The following MTUS2 variants were observed in gnomAD, a reference collection of about 807,000 sequenced individuals.
The protein encoded by MTUS2 is microtubule associated scaffold protein 2.
In MTUS2, 40 loss-of-function variants were observed where a neutral mutation model predicts 114.1. The observed-to-expected ratio is 0.35, with a 90% CI of 0.27 to 0.46. The LOEUF is 0.46. Ranked by LOEUF, MTUS2 falls within the 20% of genes least tolerant of loss-of-function variation. The pLI is 1.00. For synonymous variants in MTUS2, 688 were observed against 672.0 expected (o/e 1.02, Z -0.37); for missense variants, 1,679 against 1,705.4 (o/e 0.98, Z 0.27).
chr13:29,107,113 G>A (rs1453165407), intron 5 of MTUS2, among the ~76,000 whole-genome samples: 1 of 151,886 alleles, frequency 6.6e-6, no homozygotes, highest in African/African-American at 2.4e-5. Flanking sequence ...ATCACTTTTA[G>A]GTACATTTCA....
At chr13:29,146,620 T>C (rs989243898) in intron 5 of MTUS2, among the ~76,000 whole-genome samples, 6 of 152,212 alleles carry the variant, frequency 3.9e-5, no homozygotes, top group Non-Finnish European at 7.3e-5. Context: ...AGGAGAAAAC[T>C]ATTTACTTGA....
chr13:28,962,571 GAAAAC>G (rs1033262595), intron 2 of MTUS2, among the ~76,000 whole-genome samples: 13 of 152,258 alleles, frequency 8.5e-5, no homozygotes, highest in African/African-American at 2.9e-4. Flanking sequence ...TTCTTTAAAA[GAAAAC>G]AGAAAAGCCA....
intron 2 of MTUS2, among the ~76,000 whole-genome samples, chr13:28,924,050 T>TA (rs1462852678): frequency 6.6e-6 from 1 of 152,100 alleles, no homozygotes; most frequent in Non-Finnish European, 1.5e-5. Context: ...GTGTGGCTCA[T>TA]ATGTATTGTC....
intron 6 of MTUS2, chr13:29,307,649 A>G: frequency 8.8e-7 from 1 of 1,142,490 alleles, no homozygotes; most frequent in South Asian, 1.2e-5. Context: ...AGCGACACCC[A>G]CTCTTCCACC....
chr13:29,262,025 C>A (rs1047268092), intron 5 of MTUS2, among the ~76,000 whole-genome samples: 2 of 152,286 alleles, frequency 1.3e-5, no homozygotes, highest in East Asian at 1.9e-4. Flanking sequence ...TGTGACTGGG[C>A]AAATATTAAA....
At chr13:29,004,881 A>G (rs1455545932) in intron 2 of MTUS2, among the ~76,000 whole-genome samples, 2 of 152,234 alleles carry the variant, frequency 1.3e-5, no homozygotes, top group East Asian at 3.8e-4. Flanking sequence ...TACAAGGTAG[A>G]AAGTGATGAG....
At chr13:29,473,206 A>G (rs1426731483) in intron 9 of MTUS2, among the ~76,000 whole-genome samples, 16 of 152,134 alleles carry the variant, frequency 1.1e-4, no homozygotes, top group Admixed American at 1.0e-3. Flanking sequence ...TTTTATAGCT[A>G]TTATAAAGCA....
rs1174914717 is a variant in MTUS2, at chr13:29,480,173, A to G, written c.3208A>G (p.Lys1070Glu). Reference sequence around the variant, plus strand: ...AGCCTTCCATACAGCAAAGTGCGAGAAACTACAAAAGGAGAAGGAGGAGCT... The same window carrying G: ...AGCCTTCCATACAGCAAAGTGCGAGGAACTACAAAAGGAGAAGGAGGAGCT... ...EVAFHTAKCE[K>E]LQKEKEELER... Residue 1070 changes from lysine to glutamate, a missense_variant, in exon 10 of 16, where the codon AAA becomes GAA. Around this residue, in one of 3 missense-constraint regions of MTUS2, gnomAD observed 822 missense variants for 899.7 expected, o/e 0.91. Coordinates refer to ENST00000612955, the MANE Select transcript of MTUS2 (RefSeq NM_001033602.4). The surrounding 1 kb of genome is among the most constrained non-coding windows in gnomAD (Gnocchi z 4.4). 6.4e-7 allele frequency: 1 copy of G among 1,555,218 alleles called. No homozygotes were observed. The highest frequency in any genetic ancestry group is 1.9e-5 in the Admixed American group (1 of 51,476).
At chr13:29,288,842 C>G (rs980457416) in intron 6 of MTUS2, among the ~76,000 whole-genome samples, 1 of 152,210 alleles carries the variant, frequency 6.6e-6, no homozygotes, top group African/African-American at 2.4e-5. Context: ...TCCATCATCA[C>G]AGAGTAGCAC....
At chr13:29,256,396 G>A (rs1897284288) in intron 5 of MTUS2, among the ~76,000 whole-genome samples, 1 of 152,210 alleles carries the variant, frequency 6.6e-6, no homozygotes, top group Non-Finnish European at 1.5e-5. Context: ...CAGGTGCCAA[G>A]CCCTGTAAGA....
chr13:28,924,026 C>G (rs1320162345), intron 2 of MTUS2, among the ~76,000 whole-genome samples: 1 of 152,122 alleles, frequency 6.6e-6, no homozygotes, highest in Non-Finnish European at 1.5e-5. Flanking sequence ...CTGCAGGAAT[C>G]CCCATCAGTC....
chr13:29,385,486 T>G (rs1476784497), intron 8 of MTUS2, among the ~76,000 whole-genome samples: 1 of 152,286 alleles, frequency 6.6e-6, no homozygotes, highest in East Asian at 1.9e-4. Context: ...TTCTTAGGTG[T>G]CTTCCTCTAC....
chr13:29,392,941 G>T (rs12100061), intron 8 of MTUS2, among the ~76,000 whole-genome samples: 1 of 152,112 alleles, frequency 6.6e-6, no homozygotes, highest in East Asian at 1.9e-4. Flanking sequence ...TGGCATCTAT[G>T]CAATGATATC....
chr13:29,328,110 T>G (rs957143564), intron 7 of MTUS2, among the ~76,000 whole-genome samples: 1 of 152,204 alleles, frequency 6.6e-6, no homozygotes, highest in Non-Finnish European at 1.5e-5. Context: ...TTGAGAGTTT[T>G]ATATTCTGGA....
chr13:29,292,461 G>A (rs1417242806), intron 6 of MTUS2, among the ~76,000 whole-genome samples: 2 of 152,180 alleles, frequency 1.3e-5, no homozygotes, highest in Non-Finnish European at 2.9e-5. Context: ...TGGATTCAAA[G>A]ATAATTAGAA....
Position 29,375,614 on chromosome 13 carries a change from T to A in MTUS2, c.3117+16141T>A, listed in dbSNP as rs1159968717. ...GTATATATATATATATATACGTATA[T>A]ATATATATATATATATATATATATA... On this transcript the variant is annotated intron_variant, in intron 8 of 15. Transcript: ENST00000612955. Among the ~76,000 whole-genome samples the A allele has an allele frequency of 4.3e-4, 3 of 7,024 alleles. 1 individual carries two copies. Among genetic ancestry groups the A allele is most frequent in the African/African-American group, 8.0e-4 (3 of 3,752 alleles). The allele number at this position is 7,024 out of a possible 152,430, so 4.6% of individuals were successfully genotyped here.
chr13:29,200,638 A>C (rs1894913569), intron 5 of MTUS2, among the ~76,000 whole-genome samples: 1 of 145,490 alleles, frequency 6.9e-6, no homozygotes, highest in Admixed American at 7.2e-5. Context: ...CTTCTGCCTT[A>C]GCCTCCCAAG....
intron 8 of MTUS2, among the ~76,000 whole-genome samples, chr13:29,424,845 G>C (rs1409728679): frequency 1.3e-5 from 2 of 152,174 alleles, no homozygotes; most frequent in East Asian, 3.8e-4. Flanking sequence ...AAGGAGAGGA[G>C]GGGTGGGGAT....
At chr13:28,886,514 T>C (rs1490879666) in intron 2 of MTUS2, among the ~76,000 whole-genome samples, 5 of 152,054 alleles carry the variant, frequency 3.3e-5, no homozygotes, top group Non-Finnish European at 5.9e-5. Context: ...GGACTGCAAG[T>C]TGTTTGGTCT....
Sources: allele counts gnomAD v4.1 joint callset (sites outside exome capture counted in the v4.1 genomes callset), GRCh38; gene constraint gnomAD v4.1.1; regional missense constraint gnomAD v4.1.1; non-coding constraint Gnocchi (gnomAD v3.1); transcripts MANE v1.5; gene names NCBI Gene and HGNC (gene_info 2026-07-23, HGNC 2026-07-21).